The following MOCOS variants were observed in gnomAD, a reference collection of about 807,000 sequenced individuals.
The protein encoded by MOCOS is human molybdenum cofactor sulfurase.
MOCOS carries 86 observed loss-of-function variants against 83.6 expected under a neutral mutation model. The observed-to-expected ratio is 1.03, with a 90% CI of 0.86 to 1.23. The LOEUF is 1.23. Among genes scored for constraint, MOCOS ranks in the 50% most tolerant of loss-of-function variants. The pLI is 0.00. For synonymous variants in MOCOS, 445 were observed against 434.7 expected (o/e 1.02, Z -0.29); for missense variants, 1,120 against 1,126.9 (o/e 0.99, Z 0.09).
intron 11 of MOCOS, among the ~76,000 whole-genome samples, chr18:36,254,624 T>C (rs2091635303): frequency 1.3e-5 from 2 of 151,714 alleles, no homozygotes; most frequent in South Asian, 4.2e-4. Flanking sequence ...CACATATATA[T>C]ATGAACGAAC....
chr18:36,198,594 G>A (rs1385844239), intron 2 of MOCOS, 96 bp from the exon 3 acceptor site: 12 of 1,234,694 alleles, frequency 9.7e-6, no homozygotes, highest in Non-Finnish European at 1.3e-5. Flanking sequence ...GTTTTATGTT[G>A]AGCTTTTTGA....
rs946633822 is a variant in MOCOS at position 36,208,217 on chromosome 18, G to A, written c.1218+2941G>A. Among the ~76,000 whole-genome samples, 8 of 152,296 alleles carry A rather than the reference G, an allele frequency of 5.3e-5. No homozygotes were observed. In the South Asian group the frequency reaches 1.7e-3, roughly 32 times the overall value. On this transcript the variant is annotated intron_variant, in intron 6 of 14. Transcript: ENST00000261326. ...CTGTAGCCTTGTAGTATAGTTTGAT[G>A]TCATGTAGTGTGATGCCTTCAGCTT...
intron 6 of MOCOS, among the ~76,000 whole-genome samples, chr18:36,210,871 A>AAAAAAAAAAAAAAAAAAAAAACAC (rs1352361694): frequency 6.9e-6 from 1 of 145,462 alleles, no homozygotes; most frequent in Non-Finnish European, 1.5e-5. Flanking sequence ...AAAAAAAAAA[A>AAAAAAAAAAAAAAAAAAAAAACAC]AAAAAAAAAG....
chr18:36,215,645 C>T lies in MOCOS; in HGVS notation c.1465C>T (p.Arg489Cys), dbSNP rs35980997. Residue 489 changes from arginine to cysteine, a missense_variant, in exon 8 of 15, where the codon CGC (arginine) becomes TGC (cysteine). Transcript: ENST00000261326. ...QAFLRFIIDT[R>C]LHSSGDWPVP... ...CTTTCTTAGGTTCATCATAGACACT[C>T]GCCTGCACTCATCAGGGGACTGGCC... The T allele has an allele frequency of 1.7e-3, 2,672 of 1,614,182 alleles. 47 individuals are homozygous for T. The African/African-American group carries it at 0.031, about 18-fold the overall frequency.
chr18:36,250,304 A>G (rs569079454), intron 10 of MOCOS, among the ~76,000 whole-genome samples: 26 of 152,346 alleles, frequency 1.7e-4, no homozygotes, highest in Non-Finnish European at 3.2e-4. Flanking sequence ...GTATCAAACC[A>G]TATTGCACGT....
chr18:36,263,498 G>T lies in MOCOS; in HGVS notation c.2410-3251G>T, dbSNP rs35891353. Among the ~76,000 whole-genome samples, 459 of 152,346 alleles carry T rather than the reference G, an allele frequency of 3.0e-3. 4 individuals carry two copies. Among genetic ancestry groups the T allele is most frequent in the South Asian group, 6.6e-3 (32 of 4,830 alleles). On this transcript the variant is annotated intron_variant, in intron 13 of 14. Coordinates refer to ENST00000261326, the MANE Select transcript of MOCOS (RefSeq NM_017947.4). The stretch of plus-strand genomic sequence containing the variant: ...GACTGGAAGGATGTCCTTGCATATT[G>T]CAGAGTAATTGAAAAAGAAACCCAA...
intron 10 of MOCOS, among the ~76,000 whole-genome samples, chr18:36,249,709 T>C (rs2091615037): frequency 6.6e-6 from 1 of 152,084 alleles, no homozygotes; most frequent in Non-Finnish European, 1.5e-5. Flanking sequence ...GATGGAGGCT[T>C]GGACCAGGGT....
At position 36,248,890 on chromosome 18, in the gene MOCOS, T is replaced by C. The variant is rs542915753; in HGVS notation, c.1961-32T>C. 82 of 1,569,714 alleles carry C rather than the reference T, an allele frequency of 5.2e-5. 1 individual carries two copies. The South Asian group carries it at 8.4e-4, about 16-fold the overall frequency. Reference sequence around the variant, plus strand: ...TCAAGTAGCTGTTGTTTTTACATAATGATAAATTTGTTTTTAACCTTTGTT... The same window carrying C: ...TCAAGTAGCTGTTGTTTTTACATAACGATAAATTTGTTTTTAACCTTTGTT... On this transcript the variant is annotated intron_variant, in intron 9 of 14. Coordinates refer to ENST00000261326, the MANE Select transcript of MOCOS (RefSeq NM_017947.4).
chr18:36,202,647 G>T (rs933251497), intron 4 of MOCOS, among the ~76,000 whole-genome samples: 10 of 152,176 alleles, frequency 6.6e-5, no homozygotes, highest in Admixed American at 3.3e-4. Flanking sequence ...GATTACAGCG[G>T]TATTAGTCCA....
intron 12 of MOCOS, among the ~76,000 whole-genome samples, chr18:36,258,176 T>C (rs1337636431): frequency 6.6e-6 from 1 of 152,138 alleles, no homozygotes; most frequent in Non-Finnish European, 1.5e-5. Context: ...AGAGGCTTGC[T>C]GTCACCCCAG....
chr18:36,228,990 G>T (rs2091528220), intron 9 of MOCOS, among the ~76,000 whole-genome samples: 1 of 151,952 alleles, frequency 6.6e-6, no homozygotes, highest in Non-Finnish European at 1.5e-5. Flanking sequence ...TATTTTTGTA[G>T]TTATTCTTTA....
Position 36,196,687 on chromosome 18 carries a change from G to GC in MOCOS, c.232+1342dup, listed in dbSNP as rs763127292. ...TTGTAATTCTCCTTCTTTAACCTTT[G>GC]CAAGAGCCATAACCGTGGGAAAGCC... On this transcript the variant is annotated intron_variant, in intron 2 of 14. Coordinates refer to ENST00000261326, the MANE Select transcript of MOCOS (RefSeq NM_017947.4). 2.7e-4 allele frequency among the ~76,000 whole-genome samples: 41 copies of GC among 152,102 alleles called. No individual in the cohort carries two copies. In the South Asian group the frequency reaches 8.5e-3, roughly 32 times the overall value.
Position 36,200,239 on chromosome 18 carries a change from A to C in MOCOS, c.856A>C (p.Arg286=). 6.2e-7 allele frequency: 1 copy of C among 1,614,114 alleles called. No individual in the cohort carries two copies. Among genetic ancestry groups the C allele is most frequent in the Non-Finnish European group, 8.5e-7 (1 of 1,180,020 alleles). The part of the protein sequence containing the change: ...LVHNRAAPLL[R]KTYFGGGTAS... ...CCATAATCGTGCGGCTCCTCTACTG[A>C]GGAAGACCTACTTTGGAGGAGGGAC... Residue 286 remains arginine (R), a synonymous_variant, in exon 4 of 15, where the codon AGG becomes CGG. Transcript: ENST00000261326.
intron 5 of MOCOS, among the ~76,000 whole-genome samples, chr18:36,203,604 G>A (rs1265569987): frequency 6.6e-6 from 1 of 152,188 alleles, no homozygotes; most frequent in South Asian, 2.1e-4. Flanking sequence ...CGCCTTCCAG[G>A]CCAGGGAGCT....
At chr18:36,232,855 T>TACAC (rs71168208) in intron 9 of MOCOS, among the ~76,000 whole-genome samples, 24,958 of 147,706 alleles carry the variant, frequency 0.17, 2,507 homozygotes, top group Middle Eastern at 0.3. Flanking sequence ...AATATTCCAT[T>TACAC]ACACACACAC....
At chr18:36,263,518 AC>A (rs1246444103) in intron 13 of MOCOS, among the ~76,000 whole-genome samples, 2 of 152,172 alleles carry the variant, frequency 1.3e-5, no homozygotes, top group African/African-American at 2.4e-5. Flanking sequence ...TGAAAAAGAA[AC>A]CCAAGTGGGC....
chr18:36,234,709 A>G (rs758622926), intron 9 of MOCOS, among the ~76,000 whole-genome samples: 1 of 152,194 alleles, frequency 6.6e-6, no homozygotes, highest in Admixed American at 6.5e-5. Flanking sequence ...TCACACTGCT[A>G]TAAAGAAATA....
At chr18:36,260,702 C>T (rs2091660973) in intron 13 of MOCOS, among the ~76,000 whole-genome samples, 1 of 152,118 alleles carries the variant, frequency 6.6e-6, no homozygotes, top group South Asian at 2.1e-4. Flanking sequence ...AAACCTTTGG[C>T]TATGGGCTTC....
At chr18:36,230,114 G>A (rs920475621) in intron 9 of MOCOS, among the ~76,000 whole-genome samples, 1 of 152,002 alleles carries the variant, frequency 6.6e-6, no homozygotes, top group Admixed American at 6.6e-5. Flanking sequence ...AAGACATCTT[G>A]CTCTGTCACC....
Sources: gnomAD v4.1 joint callset for allele counts (sites outside exome capture counted in the v4.1 genomes callset) on GRCh38, gnomAD v4.1.1 for gene constraint, MANE v1.5 for transcripts, NCBI Gene and HGNC (gene_info 2026-07-23, HGNC 2026-07-21) for gene names.